PLD1: variants seen among roughly 807,000 people sequenced by gnomAD.
PLD1 encodes choline phosphatase 1.
PLD1 carries 112 observed loss-of-function variants against 137.1 expected under a neutral mutation model. That is an observed-to-expected ratio of 0.82 (90% CI 0.70 to 0.96). The LOEUF (loss-of-function observed/expected upper bound fraction) is 0.96, where lower values mean the gene tolerates loss of function less well. Ranked by LOEUF, PLD1 falls within the 40% of genes least tolerant of loss-of-function variation. The pLI is 0.00. For missense variants in PLD1, 1,321 were observed against 1,342.0 expected (o/e 0.98, Z 0.24); for synonymous variants, 431 against 454.7 (o/e 0.95, Z 0.66).
At chr3:171,670,816 A>G (rs1261527362) in intron 19 of PLD1, among the ~76,000 whole-genome samples, 1 of 152,214 alleles carries the variant, frequency 6.6e-6, no homozygotes, top group Non-Finnish European at 1.5e-5. Context: ...AATGGCTTCT[A>G]TTTCTATTTA....
At chr3:171,698,541 G>A (rs1466750498) in intron 12 of PLD1, among the ~76,000 whole-genome samples, 3 of 152,120 alleles carry the variant, frequency 2.0e-5, no homozygotes, top group Non-Finnish European at 4.4e-5. Context: ...AGTGAATGGG[G>A]AAATAAAAAG....
At chr3:171,716,585 A>AT (rs1349940558) in intron 8 of PLD1, among the ~76,000 whole-genome samples, 1 of 151,862 alleles carries the variant, frequency 6.6e-6, no homozygotes, top group Non-Finnish European at 1.5e-5. Flanking sequence ...TTTTAATGGA[A>AT]TTTTTTGTTT....
chr3:171,639,656 A>C (rs4449349), intron 23 of PLD1, among the ~76,000 whole-genome samples: 19 of 114,594 alleles, frequency 1.7e-4, no homozygotes, highest in South Asian at 2.3e-4. Context: ...TATATAATAT[A>C]TATTCATATA....
intron 1 of PLD1, among the ~76,000 whole-genome samples, chr3:171,783,054 C>G (rs1463168614): frequency 6.6e-6 from 1 of 152,030 alleles, no homozygotes; most frequent in Non-Finnish European, 1.5e-5. Context: ...GAAACTGCTT[C>G]TAGTTTCCCA....
At chr3:171,630,087 T>C (rs1734527457) in intron 23 of PLD1, among the ~76,000 whole-genome samples, 1 of 151,558 alleles carries the variant, frequency 6.6e-6, no homozygotes, top group Non-Finnish European at 1.5e-5. Flanking sequence ...ACCTACAGAA[T>C]GGGAGAAAAT....
chr3:171,764,862 A>AGGAAG (rs796433081), intron 1 of PLD1, among the ~76,000 whole-genome samples: 4 of 24,830 alleles, frequency 1.6e-4, no homozygotes, highest in African/African-American at 6.9e-4. Context: ...AAAGAAAGAA[A>AGGAAG]GAAAGAAAGA....
At chr3:171,810,093 G>C (rs1013103271) in intron 1 of PLD1, among the ~76,000 whole-genome samples, 42 of 152,230 alleles carry the variant, frequency 2.8e-4, no homozygotes, top group Non-Finnish European at 4.6e-4. Flanking sequence ...GGTGCATCCT[G>C]CAGAGGACGC....
intron 13 of PLD1, among the ~76,000 whole-genome samples, chr3:171,689,953 A>T (rs2108515494): frequency 6.6e-6 from 1 of 152,354 alleles, no homozygotes; most frequent in South Asian, 2.1e-4. Context: ...TTTGAAAAAG[A>T]TTGAGAAAGA....
Position 171,642,908 on chromosome 3 carries a change from GA to G in PLD1, c.2544-20del. The G allele has an allele frequency of 6.8e-7, 1 of 1,474,376 alleles. No individual in the cohort carries two copies. Among genetic ancestry groups the G allele is most frequent in the Non-Finnish European group, 9.4e-7 (1 of 1,060,594 alleles). 91.3% of individuals were successfully genotyped at this position (1,474,376 alleles called of 1,614,324 possible). On this transcript the variant is annotated intron_variant, in intron 22 of 26. Coordinates refer to ENST00000351298, the MANE Select transcript of PLD1 (RefSeq NM_002662.5). ...CATGGTTCTGAAAATATGTAAAGGA[GA>G]AAATAATTACAGAGGTTTCAAAACA... is the stretch of plus-strand genomic sequence containing the variant.
At chr3:171,808,382 A>G (rs574941382) in intron 1 of PLD1, among the ~76,000 whole-genome samples, 13 of 152,230 alleles carry the variant, frequency 8.5e-5, no homozygotes, top group African/African-American at 2.6e-4. Context: ...TAAAAATACA[A>G]AAAATCAACC....
intron 6 of PLD1, among the ~76,000 whole-genome samples, chr3:171,728,609 C>A (rs1024884085): frequency 9.9e-5 from 15 of 152,144 alleles, no homozygotes; most frequent in African/African-American, 3.4e-4. Flanking sequence ...ATGCAAAGTC[C>A]CAGAACAACC....
chr3:171,635,965 CTTTTTTTTTTTTTTTTTTTTTT>C (rs71178231), intron 23 of PLD1, among the ~76,000 whole-genome samples: 1 of 49,252 alleles, frequency 2.0e-5, no homozygotes, highest in Non-Finnish European at 4.4e-5. Context: ...GGTTCAACTT[CTTTTTTTTTTTTTTTTTTTTTT>C]TTTTTTTTTT....
intron 22 of PLD1, among the ~76,000 whole-genome samples, chr3:171,643,419 G>C (rs1256560086): frequency 1.3e-5 from 2 of 152,034 alleles, no homozygotes; most frequent in African/African-American, 2.4e-5. Flanking sequence ...GATAATCACT[G>C]ATGAATTATA....
At chr3:171,645,414 C>T (rs1291816328) in intron 21 of PLD1, among the ~76,000 whole-genome samples, 1 of 152,054 alleles carries the variant, frequency 6.6e-6, no homozygotes, top group Non-Finnish European at 1.5e-5. Context: ...TAGCTAGAGC[C>T]GTGGAAATAG....
intron 1 of PLD1, among the ~76,000 whole-genome samples, chr3:171,756,552 G>A (rs1721046036): frequency 6.6e-6 from 1 of 152,124 alleles, no homozygotes; most frequent in Non-Finnish European, 1.5e-5. Flanking sequence ...GAGGTTCGGG[G>A]GGAAGAAAGG....
intron 23 of PLD1, among the ~76,000 whole-genome samples, chr3:171,634,371 A>C (rs542396604): frequency 6.6e-6 from 1 of 152,080 alleles, no homozygotes; most frequent in Non-Finnish European, 1.5e-5. Context: ...TCACCTGCGC[A>C]TTTTTACAAG....
At chr3:171,736,072 G>T (rs937901120) in intron 3 of PLD1, among the ~76,000 whole-genome samples, 2 of 152,096 alleles carry the variant, frequency 1.3e-5, no homozygotes, top group African/African-American at 4.8e-5. Flanking sequence ...GGCTGTTTTT[G>T]TTCTTCAGAA....
At chr3:171,766,496 T>C (rs773817403) in intron 1 of PLD1, among the ~76,000 whole-genome samples, 1 of 152,184 alleles carries the variant, frequency 6.6e-6, no homozygotes, top group Non-Finnish European at 1.5e-5. Flanking sequence ...CACATTCAGA[T>C]GTGTGATGGA....
At chr3:171,742,251 G>C (rs1244046661) in intron 1 of PLD1, among the ~76,000 whole-genome samples, 1 of 152,000 alleles carries the variant, frequency 6.6e-6, no homozygotes, top group Non-Finnish European at 1.5e-5. Flanking sequence ...TTAAAGTCAG[G>C]GTCTTGCTCT....
Sources: allele counts gnomAD v4.1 joint callset (sites outside exome capture counted in the v4.1 genomes callset), GRCh38; gene constraint gnomAD v4.1.1; transcripts MANE v1.5; gene names NCBI Gene and HGNC (gene_info 2026-07-23, HGNC 2026-07-21).